The following PHACTR3 variants were observed in gnomAD, a reference collection of about 807,000 sequenced individuals.
The protein encoded by PHACTR3 is phosphatase and actin regulator 3, also known as protein phosphatase 1, regulatory subunit 123.
PHACTR3 carries 16 observed loss-of-function variants against 66.8 expected under a neutral mutation model. That is an observed-to-expected ratio of 0.24 (90% CI 0.16 to 0.36). The LOEUF (loss-of-function observed/expected upper bound fraction) is 0.36. Among genes scored for constraint, PHACTR3 ranks in the 10% least tolerant of loss-of-function variants. The pLI, the probability that PHACTR3 is intolerant of heterozygous loss-of-function variation, is 1.00. For missense variants in PHACTR3, 647 were observed against 719.9 expected (o/e 0.90, Z 1.16); for synonymous variants, 323 against 292.1 (o/e 1.11, Z -1.08).
At chr20:59,784,448 A>G (rs1274482785) in intron 7 of PHACTR3, among the ~76,000 whole-genome samples, 1 of 152,148 alleles carries the variant, frequency 6.6e-6, no homozygotes, top group African/African-American at 2.4e-5. Flanking sequence ...CCCAAACACC[A>G]GGTGACTCTC....
chr20:59,806,694 C>T (rs554193768), intron 8 of PHACTR3, among the ~76,000 whole-genome samples: 3 of 152,348 alleles, frequency 2.0e-5, no homozygotes, highest in Admixed American at 2.0e-4. Flanking sequence ...AGTCACGTGT[C>T]ACTTAATGAC....
At chr20:59,647,170 C>T (rs555289695) in intron 1 of PHACTR3, among the ~76,000 whole-genome samples, 7 of 152,032 alleles carry the variant, frequency 4.6e-5, no homozygotes, top group Admixed American at 6.5e-5. Context: ...ACAATCATGG[C>T]GGAAGGCAAA....
chr20:59,764,251 CT>C (rs1241291999), intron 4 of PHACTR3, among the ~76,000 whole-genome samples: 1 of 150,264 alleles, frequency 6.7e-6, no homozygotes, highest in Non-Finnish European at 1.5e-5. Context: ...CCCTTCCTCC[CT>C]GGTATGAGGA....
chr20:59,756,296 TG>T (rs1280134203), intron 4 of PHACTR3, among the ~76,000 whole-genome samples: 3 of 152,166 alleles, frequency 2.0e-5, no homozygotes, highest in South Asian at 4.1e-4. Context: ...TCACACGGTT[TG>T]GGGGTGGGAA....
chr20:59,718,818 C>T lies in PHACTR3; in HGVS notation c.119-24289C>T, dbSNP rs377618891. ...AAAAAGGGTGTCAACATATTTCAGCCTTGCGGAGATGGCGGCGTATGTCTA... is the reference window on the plus strand; with the variant it reads ...AAAAAGGGTGTCAACATATTTCAGCTTTGCGGAGATGGCGGCGTATGTCTA... On this transcript the variant is annotated intron_variant, in intron 1 of 12. Transcript: ENST00000371015. 1.0e-3 allele frequency among the ~76,000 whole-genome samples: 154 copies of T among 152,340 alleles called. 1 individual carries two copies. Among genetic ancestry groups the T allele is most frequent in the African/African-American group, 3.7e-3 (152 of 41,578 alleles).
At chr20:59,610,410 C>G (rs2033811885) in intron 1 of PHACTR3, among the ~76,000 whole-genome samples, 1 of 152,210 alleles carries the variant, frequency 6.6e-6, no homozygotes, top group African/African-American at 2.4e-5. Context: ...CCCAGGGGCA[C>G]CGTCCAGCCT....
chr20:59,838,568 A>T (rs1237845193), intron 9 of PHACTR3, among the ~76,000 whole-genome samples: 1 of 152,186 alleles, frequency 6.6e-6, no homozygotes, highest in Admixed American at 6.5e-5. Context: ...TCCCTCATTT[A>T]ATCATTGCAA....
intron 1 of PHACTR3, among the ~76,000 whole-genome samples, chr20:59,687,387 A>C (rs752831270): frequency 6.6e-5 from 10 of 152,152 alleles, no homozygotes; most frequent in Non-Finnish European, 1.5e-4. Context: ...ATAGAGTGGA[A>C]TTAAAGAAAA....
intron 4 of PHACTR3, among the ~76,000 whole-genome samples, chr20:59,761,635 G>T (rs769439633): frequency 6.6e-6 from 1 of 152,318 alleles, no homozygotes; most frequent in East Asian, 1.9e-4. Context: ...AGCCTGGAAA[G>T]ACAAAAATGT....
At chr20:59,664,805 A>T (rs2035930382) in intron 1 of PHACTR3, among the ~76,000 whole-genome samples, 1 of 152,180 alleles carries the variant, frequency 6.6e-6, no homozygotes, top group South Asian at 2.1e-4. Context: ...AACCTGCCAG[A>T]TGCCGCCTTT....
At chr20:59,815,616 TG>T (rs2147035442) in intron 8 of PHACTR3, among the ~76,000 whole-genome samples, 1 of 152,086 alleles carries the variant, frequency 6.6e-6, no homozygotes, top group South Asian at 2.1e-4. Context: ...GTAGAAACAG[TG>T]TTTCACCATG....
At chr20:59,606,537 C>T (rs1013181673) in intron 1 of PHACTR3, among the ~76,000 whole-genome samples, 36 of 152,158 alleles carry the variant, frequency 2.4e-4, no homozygotes, top group Non-Finnish European at 3.7e-4. Flanking sequence ...GGGATTCAGC[C>T]TTCAGCACTC....
At chr20:59,669,946 TGTAACTGTCTGCTTATCAATTGTAGA>T (rs1198841233) in intron 1 of PHACTR3, among the ~76,000 whole-genome samples, 1 of 152,258 alleles carries the variant, frequency 6.6e-6, no homozygotes, top group Non-Finnish European at 1.5e-5. Context: ...CTTGTTTTGA[TGTAACTGTCTGCTTATCAATTGTAGA>T]GTTCATTAAT....
intron 1 of PHACTR3, among the ~76,000 whole-genome samples, chr20:59,737,832 G>GGAGTGAGTGAGTGAGT (rs542487884): frequency 6.6e-6 from 1 of 152,084 alleles, no homozygotes; most frequent in Admixed American, 6.5e-5. Context: ...GTTGAAAGGT[G>GGAGTGAGTGAGTGAGT]GAGTGAGTGA....
chr20:59,753,430 A>T (rs1201188574), intron 3 of PHACTR3, among the ~76,000 whole-genome samples: 2 of 152,132 alleles, frequency 1.3e-5, no homozygotes, highest in Non-Finnish European at 2.9e-5. Flanking sequence ...CCAGGCAGGA[A>T]ATGGGTCTGG....
intron 7 of PHACTR3, among the ~76,000 whole-genome samples, chr20:59,797,595 T>A (rs2041289420): frequency 6.6e-6 from 1 of 152,196 alleles, no homozygotes; most frequent in African/African-American, 2.4e-5. Flanking sequence ...GTTTTTCAGC[T>A]GTAATCAATG....
chr20:59,583,153 T>C (rs1373190229), intron 1 of PHACTR3, among the ~76,000 whole-genome samples: 2 of 152,184 alleles, frequency 1.3e-5, no homozygotes, highest in African/African-American at 4.8e-5. Context: ...GCATTTATTT[T>C]TCTTATCTAC....
Position 59,738,529 on chromosome 20 carries a change from A to G in PHACTR3, c.119-4578A>G, listed in dbSNP as rs531277257. On this transcript the variant is annotated intron_variant, in intron 1 of 12. Transcript: ENST00000371015. This position sits in a 1 kb window ranked among gnomAD's most constrained non-coding sequence, Gnocchi z 4.4. ...GGTTGTTATGATGCAGGTGGCAAAG[A>G]AAGTTGGGTTCAGGGTCTGATCTGT... Among the ~76,000 whole-genome samples, 1 of 152,122 alleles carries G rather than the reference A, an allele frequency of 6.6e-6. No individual in the cohort carries two copies. Among genetic ancestry groups the G allele is most frequent in the African/African-American group, 2.4e-5 (1 of 41,540 alleles).
chr20:59,667,124 CTATTT>C lies in PHACTR3; in HGVS notation c.118+61995_118+61999del, dbSNP rs1292769276. The stretch of plus-strand genomic sequence containing the variant: ...CTCAGTTGCTCAGGGTGATGAGATT[CTATTT>C]TAAGTTCCCAGGTTGTCATTTAAAC... On this transcript the variant is annotated intron_variant, in intron 1 of 12. Transcript: ENST00000371015. Among the ~76,000 whole-genome samples the C allele has an allele frequency of 2.6e-5, 4 of 152,296 alleles. No homozygotes were observed. In the East Asian group the frequency reaches 7.7e-4, roughly 29 times the overall value.
Sources: allele counts gnomAD v4.1 joint callset (sites outside exome capture counted in the v4.1 genomes callset), GRCh38; gene constraint gnomAD v4.1.1; non-coding constraint Gnocchi (gnomAD v3.1); transcripts MANE v1.5; gene names NCBI Gene and HGNC (gene_info 2026-07-23, HGNC 2026-07-21).